The following CLEC16A variants were observed in gnomAD, a reference collection of about 807,000 sequenced individuals.
CLEC16A encodes protein CLEC16A.
In CLEC16A, 51 loss-of-function variants were observed where a neutral mutation model predicts 109.5. The ratio of observed to expected loss-of-function variants is 0.47; its 90% confidence interval spans 0.37 to 0.59. The LOEUF (loss-of-function observed/expected upper bound fraction) is 0.59, where lower values mean the gene tolerates loss of function less well. Among genes scored for constraint, CLEC16A ranks in the 20% least tolerant of loss-of-function variants. The pLI, the probability that CLEC16A is intolerant of heterozygous loss-of-function variation, is 0.00. For missense variants in CLEC16A, 1,339 were observed against 1,394.0 expected (o/e 0.96, Z 0.63); for synonymous variants, 673 against 564.2 (o/e 1.19, Z -2.73).
At chr16:11,026,288 A>G (rs1036233665) in intron 13 of CLEC16A, among the ~76,000 whole-genome samples, 1 of 152,190 alleles carries the variant, frequency 6.6e-6, no homozygotes, top group African/African-American at 2.4e-5. Flanking sequence ...CCATCTGAAT[A>G]TGGAGTTGTC....
chr16:11,019,034 C>CG (rs925017761), intron 11 of CLEC16A, among the ~76,000 whole-genome samples: 4 of 152,196 alleles, frequency 2.6e-5, no homozygotes, highest in Admixed American at 2.6e-4. Flanking sequence ...CTGCATGAGC[C>CG]GGGGGGAGGG....
At position 11,179,302 on chromosome 16, in the gene CLEC16A, T is replaced by C. The variant is rs932214657; in HGVS notation, c.*612T>C. Reference sequence around the variant, plus strand: ...TTCCTGATATTTTGTTTCAGAGTTCTTAGTGTGGCTTTTTCCATTTATTTA... The same window carrying C: ...TTCCTGATATTTTGTTTCAGAGTTCCTAGTGTGGCTTTTTCCATTTATTTA... On this transcript the variant is annotated 3_prime_UTR_variant, in exon 24 of 24. Transcript: ENST00000409790. 6.6e-6 allele frequency: 1 copy of C among 152,282 alleles called. No individual in the cohort carries two copies. Among genetic ancestry groups the C allele is most frequent in the African/African-American group, 2.4e-5 (1 of 41,468 alleles). 9.4% of individuals were successfully genotyped at this position (152,282 alleles called of 1,614,324 possible).
chr16:11,142,551 T>A (rs1294316175), intron 22 of CLEC16A, among the ~76,000 whole-genome samples: 1 of 152,206 alleles, frequency 6.6e-6, no homozygotes, highest in South Asian at 2.1e-4. Flanking sequence ...CTTTTAAAAA[T>A]CATAATAAGG....
chr16:10,997,366 C>A (rs1288177351), intron 10 of CLEC16A, among the ~76,000 whole-genome samples: 1 of 152,220 alleles, frequency 6.6e-6, no homozygotes, highest in Non-Finnish European at 1.5e-5. Flanking sequence ...TGATTATATT[C>A]ATGTATAATT....
intron 11 of CLEC16A, among the ~76,000 whole-genome samples, chr16:11,018,307 A>C (rs1008571109): frequency 1.4e-5 from 2 of 147,620 alleles, no homozygotes; most frequent in African/African-American, 5.0e-5. Flanking sequence ...AAAAAAAAAC[A>C]GGTGAAGAGG....
At chr16:11,125,634 G>T (rs2052752693) in intron 21 of CLEC16A, among the ~76,000 whole-genome samples, 1 of 152,250 alleles carries the variant, frequency 6.6e-6, no homozygotes, top group Non-Finnish European at 1.5e-5. Flanking sequence ...CTTGGGGTCT[G>T]AAACAGCCTT....
intron 22 of CLEC16A, chr16:11,156,647 C>T (rs1474541661): frequency 3.8e-6 from 5 of 1,304,308 alleles, no homozygotes; most frequent in Non-Finnish European, 5.1e-6. Flanking sequence ...GGCTGACAGA[C>T]TGTTGTGGAG....
chr16:11,002,353 A>G (rs2044717159), intron 10 of CLEC16A, among the ~76,000 whole-genome samples: 1 of 151,812 alleles, frequency 6.6e-6, no homozygotes, highest in South Asian at 2.1e-4. Flanking sequence ...CTGCTGGTAA[A>G]GTGCACCATT....
At chr16:10,986,703 A>G (rs1004413370) in intron 10 of CLEC16A, among the ~76,000 whole-genome samples, 6 of 149,710 alleles carry the variant, frequency 4.0e-5, no homozygotes, top group African/African-American at 1.5e-4. Context: ...GTTGTCGCAT[A>G]TATCAGAATT....
intron 19 of CLEC16A, among the ~76,000 whole-genome samples, chr16:11,068,726 A>G (rs2048898221): frequency 6.6e-6 from 1 of 152,230 alleles, no homozygotes; most frequent in African/African-American, 2.4e-5. Flanking sequence ...CTGCCGCAAA[A>G]TACAGTCAGC....
chr16:10,977,325 G>T lies in CLEC16A; in HGVS notation c.829G>T (p.Asp277Tyr). Reference protein sequence around the residue: ...ILIINCEFLNDVLTDHLLNRL... With the variant: ...ILIINCEFLNYVLTDHLLNRL... ...GATCATCAACTGTGAGTTCCTCAAC[G>T]ATGTGCTCACTGACCACCTGCTCAA... Residue 277 changes from aspartate to tyrosine, a missense_variant, in exon 8 of 24, where the codon GAT (aspartate) becomes TAT (tyrosine). Around this residue, in one of 3 missense-constraint regions of CLEC16A, gnomAD observed 161 missense variants for 267.1 expected, o/e 0.60. Transcript: ENST00000409790. 6.2e-7 allele frequency: 1 copy of T among 1,613,950 alleles called. No homozygotes were observed. Among genetic ancestry groups the T allele is most frequent in the Non-Finnish European group, 8.5e-7 (1 of 1,179,892 alleles).
At chr16:11,104,118 GGTTTTTTTGAGACAAGGTCTCA>G (rs1468254637) in intron 19 of CLEC16A, among the ~76,000 whole-genome samples, 3 of 151,940 alleles carry the variant, frequency 2.0e-5, no homozygotes, top group Non-Finnish European at 4.4e-5. Flanking sequence ...TGTTTTGGGG[GGTTTTTTTGAGACAAGGTCTCA>G]CTCTGTCGCC....
chr16:11,170,334 C>T (rs2068453870), intron 23 of CLEC16A, among the ~76,000 whole-genome samples: 1 of 152,222 alleles, frequency 6.6e-6, no homozygotes, highest in Admixed American at 6.5e-5. Context: ...TTCCTAAAAT[C>T]AGCAGCAAAG....
intron 10 of CLEC16A, among the ~76,000 whole-genome samples, chr16:10,989,245 G>C (rs1181176907): frequency 6.6e-6 from 1 of 151,942 alleles, no homozygotes; most frequent in Non-Finnish European, 1.5e-5. Flanking sequence ...TTTTGAGACA[G>C]GATCTCGCGT....
intron 22 of CLEC16A, among the ~76,000 whole-genome samples, chr16:11,147,785 A>G (rs946585166): frequency 7.2e-5 from 11 of 152,282 alleles, no homozygotes; most frequent in African/African-American, 2.6e-4. Flanking sequence ...AGATTATCTC[A>G]TTTGTGTCCC....
intron 19 of CLEC16A, among the ~76,000 whole-genome samples, chr16:11,094,161 T>G (rs537469996): frequency 7.2e-5 from 11 of 152,328 alleles, no homozygotes; most frequent in African/African-American, 2.4e-4. Flanking sequence ...CTTCCTCTTT[T>G]GTACAGGGCC....
chr16:10,981,038 G>A (rs2043293266), intron 9 of CLEC16A, among the ~76,000 whole-genome samples: 1 of 152,162 alleles, frequency 6.6e-6, no homozygotes, highest in Admixed American at 6.5e-5. Flanking sequence ...AGTCTGGCCT[G>A]CACGTGCTTC....
At chr16:11,144,083 G>A (rs1158225693) in intron 22 of CLEC16A, among the ~76,000 whole-genome samples, 1 of 152,182 alleles carries the variant, frequency 6.6e-6, no homozygotes, top group Non-Finnish European at 1.5e-5. Flanking sequence ...CCTTGAGAGT[G>A]CCTCCTAGCC....
intron 19 of CLEC16A, among the ~76,000 whole-genome samples, chr16:11,085,528 C>T (rs1330049690): frequency 6.6e-6 from 1 of 152,240 alleles, no homozygotes; most frequent in African/African-American, 2.4e-5. Context: ...GGCCCAACAA[C>T]ATAACATAGG....
Sources: gnomAD v4.1 joint callset for allele counts (sites outside exome capture counted in the v4.1 genomes callset) on GRCh38, gnomAD v4.1.1 for gene constraint, gnomAD v4.1.1 regional missense constraint, MANE v1.5 for transcripts, NCBI Gene and HGNC (gene_info 2026-07-23, HGNC 2026-07-21) for gene names.